DCC: variants seen among roughly 807,000 people sequenced by gnomAD.
The protein encoded by DCC is DCC netrin 1 receptor, also known as netrin receptor DCC.
Under a neutral mutation model 172.5 loss-of-function variants are expected in DCC, and 58 were observed. That is an observed-to-expected ratio of 0.34 (90% CI 0.27 to 0.42). The LOEUF (loss-of-function observed/expected upper bound fraction) is 0.42, where lower values mean the gene tolerates loss of function less well. Ranked by LOEUF, DCC falls within the 10% of genes least tolerant of loss-of-function variation. The pLI, the probability that DCC is intolerant of heterozygous loss-of-function variation, is 1.00. For missense variants in DCC, 1,740 were observed against 1,791.0 expected (o/e 0.97, Z 0.51); for synonymous variants, 709 against 644.5 (o/e 1.10, Z -1.52).
rs1224429916 is a variant in DCC, at chr18:52,770,100, C to A, written c.412+17726C>A. On this transcript the variant is annotated intron_variant, in intron 2 of 28. Transcript: ENST00000442544. ...CACTGCTTTTAGGATCAAATATAAACCTTTAGTGAAATATAAAGCCCTGTG... is the reference window on the plus strand; with the variant it reads ...CACTGCTTTTAGGATCAAATATAAAACTTTAGTGAAATATAAAGCCCTGTG... Among the ~76,000 whole-genome samples, 7 of 152,296 alleles carry A rather than the reference C, an allele frequency of 4.6e-5. No individual in the cohort carries two copies. The South Asian group carries it at 1.2e-3, about 27-fold the overall frequency.
intron 2 of DCC, among the ~76,000 whole-genome samples, chr18:52,852,597 G>A (rs2038993197): frequency 6.6e-6 from 1 of 151,280 alleles, no homozygotes; most frequent in African/African-American, 2.5e-5. Context: ...GTTTGTCCAT[G>A]AATGTTAAAT....
intron 12 of DCC, among the ~76,000 whole-genome samples, chr18:53,297,758 T>A (rs1238231132): frequency 1.3e-5 from 2 of 152,216 alleles, no homozygotes; most frequent in Non-Finnish European, 2.9e-5. Context: ...AATGCCTGAA[T>A]GCTTTCATTT....
At position 53,240,535 on chromosome 18, in the gene DCC, C is replaced by T. The variant is rs112720314; in HGVS notation, c.1911+24938C>T. 5.9e-3 allele frequency among the ~76,000 whole-genome samples: 902 copies of T among 152,242 alleles called. 11 individuals carry two copies. Among genetic ancestry groups the T allele is most frequent in the African/African-American group, 0.02 (846 of 41,544 alleles). ...TGTAGACAATGTATTAAAAAGTGAT[C>T]TTCAAGGCATAAAAGGTCTTGGTGT... On this transcript the variant is annotated intron_variant, in intron 12 of 28. Transcript: ENST00000442544.
chr18:53,211,066 G>A (rs2055743421), intron 11 of DCC, among the ~76,000 whole-genome samples: 1 of 152,074 alleles, frequency 6.6e-6, no homozygotes, highest in Non-Finnish European at 1.5e-5. Flanking sequence ...GAGCTTTTAT[G>A]AACGAATGAA....
At chr18:52,820,726 A>G (rs2038390439) in intron 2 of DCC, among the ~76,000 whole-genome samples, 1 of 152,200 alleles carries the variant, frequency 6.6e-6, no homozygotes, top group Non-Finnish European at 1.5e-5. Flanking sequence ...GAGGTGATAC[A>G]TCCCAGAGTT....
At chr18:52,695,801 A>C (rs1471127530) in intron 1 of DCC, among the ~76,000 whole-genome samples, 1 of 152,202 alleles carries the variant, frequency 6.6e-6, no homozygotes, top group Non-Finnish European at 1.5e-5. Context: ...ATTGTAAACT[A>C]TATTTTCAAT....
chr18:52,872,853 T>C (rs1431968246), intron 2 of DCC, among the ~76,000 whole-genome samples: 1 of 152,184 alleles, frequency 6.6e-6, no homozygotes, highest in Non-Finnish European at 1.5e-5. Flanking sequence ...ATATAACACT[T>C]GAAAAAATCT....
At chr18:52,678,664 T>G (rs2144985529) in intron 1 of DCC, among the ~76,000 whole-genome samples, 1 of 152,256 alleles carries the variant, frequency 6.6e-6, no homozygotes, top group East Asian at 1.9e-4. Flanking sequence ...CTCTGTGTGT[T>G]TACAAAGAAC....
intron 15 of DCC, among the ~76,000 whole-genome samples, chr18:53,370,236 G>A (rs1343961683): frequency 1.3e-5 from 2 of 151,716 alleles, no homozygotes; most frequent in Non-Finnish European, 3.0e-5. Context: ...ATTTGTTGAT[G>A]TACAGTTGTT....
chr18:53,343,309 A>T (rs1011381056), intron 15 of DCC, among the ~76,000 whole-genome samples: 2 of 151,934 alleles, frequency 1.3e-5, no homozygotes, highest in Non-Finnish European at 2.9e-5. Flanking sequence ...GGTCTCTTTA[A>T]GCCTTTTGTG....
chr18:53,091,502 T>G (rs533297856), intron 7 of DCC, among the ~76,000 whole-genome samples: 3 of 151,740 alleles, frequency 2.0e-5, no homozygotes, highest in Admixed American at 1.3e-4. Flanking sequence ...ATGGTTCTGG[T>G]GACCGGCTGA....
At chr18:52,782,350 C>T (rs1447385346) in intron 2 of DCC, among the ~76,000 whole-genome samples, 2 of 151,888 alleles carry the variant, frequency 1.3e-5, no homozygotes, top group African/African-American at 4.8e-5. Flanking sequence ...TTTGAACTAG[C>T]CTTTCATGAT....
At chr18:53,171,531 T>A (rs968636224) in intron 8 of DCC, among the ~76,000 whole-genome samples, 1 of 152,240 alleles carries the variant, frequency 6.6e-6, no homozygotes, top group Non-Finnish European at 1.5e-5. Context: ...ATAAATTTTT[T>A]ATGAATTATT....
intron 3 of DCC, among the ~76,000 whole-genome samples, chr18:52,916,284 T>G (rs965419102): frequency 6.6e-6 from 1 of 152,084 alleles, no homozygotes; most frequent in East Asian, 1.9e-4. Flanking sequence ...CTGTTCACAC[T>G]TGGATACTTG....
At chr18:53,410,054 T>G (rs926497672) in intron 19 of DCC, among the ~76,000 whole-genome samples, 7 of 152,198 alleles carry the variant, frequency 4.6e-5, no homozygotes, top group African/African-American at 1.7e-4. Context: ...TACATTTTTA[T>G]TAAGCACAAG....
chr18:52,495,500 C>T (rs1286684904), intron 1 of DCC, among the ~76,000 whole-genome samples: 4 of 152,084 alleles, frequency 2.6e-5, no homozygotes, highest in Non-Finnish European at 1.5e-5. Context: ...ATCTTCACCC[C>T]TTAGTTCTCA....
At chr18:53,089,337 C>T (rs554420787) in intron 7 of DCC, among the ~76,000 whole-genome samples, 13 of 152,206 alleles carry the variant, frequency 8.5e-5, no homozygotes, top group East Asian at 7.7e-4. Flanking sequence ...CTTCCCACCT[C>T]GGCCTCCCAA....
At chr18:52,652,741 G>GTGTGTGTGT (rs1555709976) in intron 1 of DCC, among the ~76,000 whole-genome samples, 36 of 43,068 alleles carry the variant, frequency 8.4e-4, no homozygotes, top group African/African-American at 1.7e-3. Context: ...TGTGTGTGTG[G>GTGTGTGTGT]GTGGAGGAGG....
chr18:52,712,868 G>A (rs1381218226), intron 1 of DCC, among the ~76,000 whole-genome samples: 1 of 152,188 alleles, frequency 6.6e-6, no homozygotes, highest in Non-Finnish European at 1.5e-5. Flanking sequence ...TAGAGTTGCT[G>A]AGCAAAGGAG....
Sources: gnomAD v4.1 joint callset for allele counts (sites outside exome capture counted in the v4.1 genomes callset) on GRCh38, gnomAD v4.1.1 for gene constraint, MANE v1.5 for transcripts, NCBI Gene and HGNC (gene_info 2026-07-23, HGNC 2026-07-21) for gene names.